DCLK1: variants seen among roughly 807,000 people sequenced by gnomAD.
The protein encoded by DCLK1 is doublecortin like kinase 1.
Under a neutral mutation model 86.2 loss-of-function variants are expected in DCLK1, and 16 were observed. The ratio of observed to expected loss-of-function variants is 0.19; its 90% CI spans 0.13 to 0.28. The LOEUF (loss-of-function observed/expected upper bound fraction) is 0.28. DCLK1 is among the 10% of genes least tolerant of loss of function. The pLI, the probability that DCLK1 is intolerant of heterozygous loss-of-function variation, is 1.00. For missense variants in DCLK1, 590 were observed against 940.2 expected (o/e 0.63, Z 4.87); for synonymous variants, 369 against 370.5 (o/e 1.00, Z 0.05).
chr13:36,073,725 T>C (rs781202100), intron 3 of DCLK1, among the ~76,000 whole-genome samples: 9 of 152,140 alleles, frequency 5.9e-5, no homozygotes, highest in Non-Finnish European at 1.0e-4. Flanking sequence ...GAAATGGAGC[T>C]TGCACATGTC....
chr13:36,016,531 G>T (rs1366517393), intron 3 of DCLK1, among the ~76,000 whole-genome samples: 1 of 152,090 alleles, frequency 6.6e-6, no homozygotes, highest in African/African-American at 2.4e-5. Flanking sequence ...GAAAAGCACA[G>T]CCAATAATTA....
chr13:35,771,722 G>A lies in DCLK1; in HGVS notation c.*2813C>T, dbSNP rs1015280461. On this transcript the variant is annotated 3_prime_UTR_variant, in exon 17 of 17. Transcript: ENST00000360631. ...CCCCATCACCAGGCCACCACCATAA[G>A]AGAGCTATATTAAATACTTGGGAAA... 2 of 152,130 alleles carry A rather than the reference G, an allele frequency of 1.3e-5. No individual in the cohort carries two copies. Among genetic ancestry groups the A allele is most frequent in the South Asian group, 2.1e-4 (1 of 4,824 alleles). The allele number at this position is 152,130 out of a possible 1,614,324, so 9.4% of individuals were successfully genotyped here.
At chr13:35,922,943 C>G in intron 4 of DCLK1, among the ~76,000 whole-genome samples, 1 of 152,172 alleles carries the variant, frequency 6.6e-6, no homozygotes, top group East Asian at 1.9e-4. Flanking sequence ...TCTGAAGAAG[C>G]AGAGGCCCGG....
In DCLK1 at chr13:36,111,111, G is replaced by A. The variant is rs569169427; in HGVS notation, c.723+758C>T. On this transcript the variant is annotated intron_variant, in intron 3 of 16. Transcript: ENST00000360631. Reference sequence around the variant, plus strand: ...GGCCTCCCAAAGTGCTGGGATTACAGGCGTGAGCCACCGTGCCCGGCCCTA... The same window carrying A: ...GGCCTCCCAAAGTGCTGGGATTACAAGCGTGAGCCACCGTGCCCGGCCCTA... Among the ~76,000 whole-genome samples the A allele has an allele frequency of 2.0e-5, 3 of 152,120 alleles. No individual in the cohort carries two copies. In the East Asian group the frequency reaches 5.8e-4, roughly 30 times the overall value.
chr13:35,879,556 G>A (rs1872767480), intron 4 of DCLK1, among the ~76,000 whole-genome samples: 4 of 152,172 alleles, frequency 2.6e-5, no homozygotes, highest in Admixed American at 2.0e-4. Flanking sequence ...CAGGTGTCCT[G>A]AGGGATAGGC....
rs1174545505 is a variant in DCLK1, at chr13:36,045,332, GTATATATATATATA to G, written c.723+66523_723+66536del. On this transcript the variant is annotated intron_variant, in intron 3 of 16. Coordinates refer to ENST00000360631, the MANE Select transcript of DCLK1 (RefSeq NM_001330071.2). The stretch of plus-strand genomic sequence containing the variant: ...TATGTCTATATATGTGTGTGTGTGT[GTATATATATATATA>G]TATATATATATATATATATATATAT... Among the ~76,000 whole-genome samples the G allele has an allele frequency of 6.9e-3, 385 of 55,778 alleles. 4 individuals carry two copies. The highest frequency in any genetic ancestry group is 0.028 in the African/African-American group (346 of 12,566). 36.6% of individuals were successfully genotyped at this position (55,778 alleles called of 152,430 possible). A position where few individuals can be genotyped will look rare whatever the true frequency, so the allele number is the denominator to read the frequency against.
intron 4 of DCLK1, among the ~76,000 whole-genome samples, chr13:35,933,002 A>G (rs921730782): frequency 5.3e-5 from 8 of 152,206 alleles, no homozygotes; most frequent in African/African-American, 1.9e-4. Context: ...TACTTCCTAG[A>G]TACAATGGGG....
intron 11 of DCLK1, among the ~76,000 whole-genome samples, chr13:35,813,269 T>G (rs1256104679): frequency 1.3e-5 from 2 of 152,236 alleles, no homozygotes; most frequent in Non-Finnish European, 2.9e-5. Context: ...CAGATTGTAA[T>G]TTATTCAACC....
At chr13:36,032,863 T>C (rs1882341286) in intron 3 of DCLK1, among the ~76,000 whole-genome samples, 1 of 152,228 alleles carries the variant, frequency 6.6e-6, no homozygotes, top group African/African-American at 2.4e-5. Flanking sequence ...TGTCTAAAAG[T>C]TCCTTGCATG....
At chr13:36,119,743 G>T (rs1450581803) in intron 2 of DCLK1, among the ~76,000 whole-genome samples, 2 of 152,140 alleles carry the variant, frequency 1.3e-5, no homozygotes, top group African/African-American at 4.8e-5. Context: ...AAAGACTGAA[G>T]AACCGTCATA....
At chr13:36,123,094 G>T (rs1343206755) in intron 2 of DCLK1, among the ~76,000 whole-genome samples, 4 of 152,064 alleles carry the variant, frequency 2.6e-5, no homozygotes, top group African/African-American at 4.8e-5. Context: ...CCCACTAAAA[G>T]GATTTAATTT....
intron 4 of DCLK1, among the ~76,000 whole-genome samples, chr13:35,895,507 AT>A (rs1488947330): frequency 6.6e-6 from 1 of 152,178 alleles, no homozygotes; most frequent in Non-Finnish European, 1.5e-5. Context: ...AAAGTGCAAT[AT>A]GACATGATGC....
chr13:35,854,502 C>A lies in DCLK1; in HGVS notation c.1032G>T (p.Gln344His). 6.3e-7 allele frequency: 1 copy of A among 1,599,656 alleles called. No individual in the cohort carries two copies. The highest frequency in any genetic ancestry group is 1.1e-5 in the South Asian group (1 of 88,600). ...AGCAGCTTGCTTATTTCCTTACCCTCTGCTTCCGCAGGCTTCCTGGGCTGG... is the reference window on the plus strand; with the variant it reads ...AGCAGCTTGCTTATTTCCTTACCCTATGCTTCCGCAGGCTTCCTGGGCTGG... ...SPTSPGSLRK[Q>H]RSSQHGGSST... Residue 344 changes from glutamine (Q) to histidine (H), a missense_variant, in exon 6 of 17, where the codon CAG becomes CAT. By Grantham distance (24) the Gln-to-His change is conservative. Coordinates refer to ENST00000360631, the MANE Select transcript of DCLK1 (RefSeq NM_001330071.2).
chr13:35,840,112 T>A (rs1260850876), intron 6 of DCLK1, among the ~76,000 whole-genome samples: 1 of 152,098 alleles, frequency 6.6e-6, no homozygotes, highest in Non-Finnish European at 1.5e-5. Flanking sequence ...CGGCTGTCTG[T>A]GGAGCAGAGA....
intron 3 of DCLK1, among the ~76,000 whole-genome samples, chr13:35,998,629 C>T (rs927128149): frequency 4.3e-4 from 66 of 152,164 alleles, no homozygotes; most frequent in African/African-American, 1.4e-3. Flanking sequence ...TTAGTCTCTC[C>T]TTGCTTCCCT....
chr13:35,794,844 A>AT, intron 15 of DCLK1, among the ~76,000 whole-genome samples: 1 of 152,228 alleles, frequency 6.6e-6, no homozygotes, highest in Admixed American at 6.5e-5. Context: ...ACAAAGTGAA[A>AT]TTCCAGTAGA....
chr13:35,835,658 T>C (rs1280232414), intron 8 of DCLK1, among the ~76,000 whole-genome samples: 1 of 152,344 alleles, frequency 6.6e-6, no homozygotes, highest in East Asian at 1.9e-4. Flanking sequence ...CATCCTATGC[T>C]AGTATGCATT....
intron 3 of DCLK1, among the ~76,000 whole-genome samples, chr13:35,954,327 G>A (rs948031249): frequency 2.0e-5 from 3 of 151,974 alleles, no homozygotes; most frequent in Non-Finnish European, 4.4e-5. Context: ...GTTAAAACTT[G>A]GCACATATGG....
At chr13:35,995,521 G>C (rs1239471604) in intron 3 of DCLK1, among the ~76,000 whole-genome samples, 1 of 152,172 alleles carries the variant, frequency 6.6e-6, no homozygotes, top group Non-Finnish European at 1.5e-5. Context: ...ATGTTCCTTT[G>C]TCTTCTTTCA....
Sources: gnomAD v4.1 joint callset for allele counts (sites outside exome capture counted in the v4.1 genomes callset) on GRCh38, gnomAD v4.1.1 for gene constraint, MANE v1.5 for transcripts, NCBI Gene and HGNC (gene_info 2026-07-23, HGNC 2026-07-21) for gene names.